GPD1L: variants seen among roughly 807,000 people sequenced by gnomAD.
GPD1L encodes glycerol-3-phosphate dehydrogenase 1-like protein.
A neutral mutation model predicts 32.9 loss-of-function variants in GPD1L; 17 were observed. The ratio of observed to expected loss-of-function variants is 0.52; its 90% CI spans 0.35 to 0.78. The LOEUF (loss-of-function observed/expected upper bound fraction) is 0.78. Among genes scored for constraint, GPD1L ranks in the 30% least tolerant of loss-of-function variants. GPD1L has a pLI of 0.01. For synonymous variants in GPD1L, 187 were observed against 165.9 expected (o/e 1.13, Z -0.98); for missense variants, 361 against 447.8 (o/e 0.81, Z 1.75).
intron 1 of GPD1L, among the ~76,000 whole-genome samples, chr3:32,114,520 A>G (rs1308802119): frequency 6.6e-6 from 1 of 152,226 alleles, no homozygotes; most frequent in East Asian, 1.9e-4. Flanking sequence ...CACAGTAACA[A>G]ATGTTACTAT....
At chr3:32,112,976 T>G in intron 1 of GPD1L, among the ~76,000 whole-genome samples, 1 of 152,172 alleles carries the variant, frequency 6.6e-6, no homozygotes, top group African/African-American at 2.4e-5. Context: ...AAGACCATGT[T>G]TCCATAAATT....
chr3:32,140,141 C>T, intron 3 of GPD1L, 87 bp from the exon 4 acceptor site: 1 of 1,378,010 alleles, frequency 7.3e-7, no homozygotes, highest in Non-Finnish European at 1.0e-6. Flanking sequence ...AGACATTTTT[C>T]AAGTTGTGTA....
In GPD1L at chr3:32,167,483, G is replaced by A. The variant is rs949084103; in HGVS notation, c.*1573G>A. ...TGAACTTTTACAGTTCAGGCCTGCT[G>A]TGAATCTTTGATGAAGCTTTAAGGT... On this transcript the variant is annotated 3_prime_UTR_variant, in exon 8 of 8. Coordinates refer to ENST00000282541, the MANE Select transcript of GPD1L (RefSeq NM_015141.4). 8 of 152,636 alleles carry A rather than the reference G, an allele frequency of 5.2e-5. No individual in the cohort carries two copies. The highest frequency in any genetic ancestry group is 1.7e-4 in the African/African-American group (7 of 41,460). 9.5% of individuals were successfully genotyped at this position (152,636 alleles called of 1,614,324 possible).
chr3:32,156,158 T>A (rs1285236797), intron 5 of GPD1L, among the ~76,000 whole-genome samples: 1 of 152,204 alleles, frequency 6.6e-6, no homozygotes, highest in Non-Finnish European at 1.5e-5. Context: ...GCTTCTGCCT[T>A]GCCTCTTCCA....
intron 5 of GPD1L, among the ~76,000 whole-genome samples, chr3:32,152,949 G>A (rs1367835327): frequency 6.6e-6 from 1 of 152,146 alleles, no homozygotes; most frequent in Non-Finnish European, 1.5e-5. Flanking sequence ...GGTACACTAG[G>A]TGTGACCATA....
rs1423301489 is a variant in GPD1L at position 32,167,323 on chromosome 3, G to T, written c.*1413G>T. 6.6e-6 allele frequency: 1 copy of T among 152,334 alleles called. No individual in the cohort carries two copies. Among genetic ancestry groups the T allele is most frequent in the African/African-American group, 2.4e-5 (1 of 41,426 alleles). 9.4% of individuals were successfully genotyped at this position (152,334 alleles called of 1,614,324 possible). ...AGTCCCAAACACATTACACTGAAGA[G>T]ATTTTGGTGAGGAAACTTGCTGGAG... On this transcript the variant is annotated 3_prime_UTR_variant, in exon 8 of 8. Transcript: ENST00000282541.
rs771189148 is a variant in GPD1L at position 32,165,828 on chromosome 3, C to T, written c.974C>T (p.Thr325Ile). ...KGLLDKFPLF[T>I]AVYQICYESR... ...CTCCCAACTAGGTTTCCATTGTTTA[C>T]TGCAGTGTATCAGATCTGCTACGAA... The change falls in exon 8 of 8, where the codon ACT becomes ATT. Residue 325 changes from threonine to isoleucine, a missense_variant. Transcript: ENST00000282541. 1 of 1,594,568 alleles carries T rather than the reference C, an allele frequency of 6.3e-7. No homozygotes were observed. Among genetic ancestry groups the T allele is most frequent in the East Asian group, 2.2e-5 (1 of 44,782 alleles).
chr3:32,124,231 A>T (rs1306637845), intron 1 of GPD1L, among the ~76,000 whole-genome samples: 1 of 152,040 alleles, frequency 6.6e-6, no homozygotes, highest in Middle Eastern at 3.2e-3. Flanking sequence ...ATGCTCAGCT[A>T]ATTTTTTGTA....
intron 1 of GPD1L, among the ~76,000 whole-genome samples, chr3:32,114,906 G>A (rs1700304136): frequency 6.6e-6 from 1 of 152,220 alleles, no homozygotes; most frequent in African/African-American, 2.4e-5. Flanking sequence ...TGGGTTTGTG[G>A]TCTCGCTTAC....
intron 1 of GPD1L, among the ~76,000 whole-genome samples, chr3:32,126,845 G>A (rs1305082700): frequency 6.6e-6 from 1 of 152,196 alleles, no homozygotes; most frequent in African/African-American, 2.4e-5. Context: ...AGAAGTGCCA[G>A]TTCCGTTGGC....
Position 32,146,702 on chromosome 3 carries a change from G to T in GPD1L, c.586G>T (p.Ala196Ser), listed in dbSNP as rs1438262391. ...TTTTCGAATTACCGTGGTTGATGAT[G>T]CAGACACTGTTGAACTCTGTGGTGC... ...PNFRITVVDD[A>S]DTVELCGALK... The change falls in exon 5 of 8, where the codon GCA becomes TCA. Residue 196 changes from alanine (A) to serine (S), a missense_variant. By Grantham distance (99) the Ala-to-Ser change is moderately conservative (BLOSUM62 1). Transcript: ENST00000282541. 23 of 1,611,900 alleles carry T rather than the reference G, an allele frequency of 1.4e-5. No individual in the cohort carries two copies. The Admixed American group carries it at 3.8e-4, about 27-fold the overall frequency.
intron 4 of GPD1L, among the ~76,000 whole-genome samples, chr3:32,144,465 C>T (rs1700791537): frequency 6.6e-6 from 1 of 152,230 alleles, no homozygotes; most frequent in Non-Finnish European, 1.5e-5. Flanking sequence ...CACACAAACA[C>T]ATATGGAATC....
intron 7 of GPD1L, among the ~76,000 whole-genome samples, chr3:32,164,212 C>A (rs1013092348): frequency 6.6e-6 from 1 of 152,316 alleles, no homozygotes. Context: ...GATGGCCAGT[C>A]ATCTGCTACC....
At position 32,128,103 on chromosome 3, in the gene GPD1L, T is replaced by C. The variant is rs778284483; in HGVS notation, c.75T>C (p.Gly25=). 1.2e-6 allele frequency: 2 copies of C among 1,613,190 alleles called. No homozygotes were observed. The highest frequency in any genetic ancestry group is 1.7e-5 in the Admixed American group (1 of 60,014). The change falls in exon 2 of 8, where the codon GGT becomes GGC. Residue 25 remains glycine (G), a synonymous_variant. Coordinates refer to ENST00000282541, the MANE Select transcript of GPD1L (RefSeq NM_015141.4). ...GTTCAGCTGTTGCAAAAATAATTGG[T>C]AATAATGTCAAGAAACTTCAGAAAT... The part of the protein sequence containing the change: ...NWGSAVAKII[G]NNVKKLQKFA...
intron 1 of GPD1L, among the ~76,000 whole-genome samples, chr3:32,107,320 A>G (rs1225377988): frequency 6.6e-6 from 1 of 152,184 alleles, no homozygotes; most frequent in Non-Finnish European, 1.5e-5. Context: ...CCAAGTTTCA[A>G]CAGGCCGCTC....
At chr3:32,162,846 C>T (rs35285004) in intron 7 of GPD1L, among the ~76,000 whole-genome samples, 60,233 of 151,862 alleles carry the variant, frequency 0.4, 13,077 homozygotes, top group East Asian at 0.6. Flanking sequence ...GCAATCTCCG[C>T]CTCCCATGTT....
chr3:32,145,764 G>T (rs35370467), intron 4 of GPD1L, among the ~76,000 whole-genome samples: 36,788 of 152,096 alleles, frequency 0.24, 4,821 homozygotes, highest in East Asian at 0.49. Context: ...AAAAGGAAGA[G>T]AACAGTTTGC....
At position 32,138,545 on chromosome 3, in the gene GPD1L, G is replaced by C. The variant is rs116185919; in HGVS notation, c.226-42G>C. 3,950 of 1,605,264 alleles carry C rather than the reference G, an allele frequency of 2.5e-3. 106 individuals carry two copies. The African/African-American group carries it at 0.047, about 19-fold the overall frequency. On this transcript the variant is annotated intron_variant, in intron 2 of 7. Coordinates refer to ENST00000282541, the MANE Select transcript of GPD1L (RefSeq NM_015141.4). ...GAAACCTTGTGGACAGGCAAGGTTTGATATAAGAGGAGAAACGGTCTTCTC... is the reference window on the plus strand; with the variant it reads ...GAAACCTTGTGGACAGGCAAGGTTTCATATAAGAGGAGAAACGGTCTTCTC...
intron 2 of GPD1L, among the ~76,000 whole-genome samples, chr3:32,137,420 TG>T: frequency 6.6e-6 from 1 of 152,316 alleles, no homozygotes; most frequent in South Asian, 2.1e-4. Flanking sequence ...CTAAGATGAC[TG>T]TCTGAATTTC....
Sources: allele counts gnomAD v4.1 joint callset (sites outside exome capture counted in the v4.1 genomes callset), GRCh38; gene constraint gnomAD v4.1.1; transcripts MANE v1.5; gene names NCBI Gene and HGNC (gene_info 2026-07-23, HGNC 2026-07-21).